The following DDAH1 variants were observed in gnomAD, a reference collection of about 807,000 sequenced individuals.
DDAH1 encodes the protein N(G),N(G)-dimethylarginine dimethylaminohydrolase 1.
In DDAH1, 19 loss-of-function variants were observed where a neutral mutation model predicts 28.8. That is an observed-to-expected ratio of 0.66 (90% CI 0.46 to 0.97). The LOEUF (loss-of-function observed/expected upper bound fraction) is 0.97, where lower values mean the gene tolerates loss of function less well. Among genes scored for constraint, DDAH1 ranks in the 50% least tolerant of loss-of-function variants. The pLI is 0.00. For synonymous variants in DDAH1, 153 were observed against 154.4 expected (o/e 0.99, Z 0.07); for missense variants, 326 against 375.9 (o/e 0.87, Z 1.10).
intron 1 of DDAH1, among the ~76,000 whole-genome samples, chr1:85,547,277 C>T (rs1658655413): frequency 6.6e-6 from 1 of 152,148 alleles, no homozygotes; most frequent in Admixed American, 6.5e-5. Context: ...CATGAGAATG[C>T]ACATTGTAGA....
chr1:85,394,289 A>G (rs749293663), intron 1 of DDAH1, among the ~76,000 whole-genome samples: 1 of 152,196 alleles, frequency 6.6e-6, no homozygotes, highest in Non-Finnish European at 1.5e-5. Flanking sequence ...AGGTGAGGTC[A>G]CGCCTGTGTT....
At chr1:85,436,225 T>C (rs1653937779) in intron 1 of DDAH1, among the ~76,000 whole-genome samples, 1 of 146,140 alleles carries the variant, frequency 6.8e-6, no homozygotes, top group Non-Finnish European at 1.5e-5. Context: ...ATTCTTGTGA[T>C]AATTTAAAAA....
intron 1 of DDAH1, among the ~76,000 whole-genome samples, chr1:85,445,772 A>C (rs979072492): frequency 6.6e-6 from 1 of 152,026 alleles, no homozygotes; most frequent in African/African-American, 2.4e-5. Flanking sequence ...ATTCCCAGAT[A>C]ATTTTTTTTT....
exon 2 of DDAH1, chr1:85,496,221 G>A: frequency 3.0e-6 from 3 of 985,274 alleles, no homozygotes; most frequent in Non-Finnish European, 3.6e-6. Flanking sequence ...GTATTTTGAA[G>A]CATTTCCTAC....
chr1:85,450,062 C>A (rs1226263687), intron 1 of DDAH1, among the ~76,000 whole-genome samples: 1 of 152,180 alleles, frequency 6.6e-6, no homozygotes, highest in Non-Finnish European at 1.5e-5. Flanking sequence ...ATACTCAGGT[C>A]TTTTGCAAGT....
intron 1 of DDAH1, among the ~76,000 whole-genome samples, chr1:85,446,003 G>A (rs1654411418): frequency 6.6e-6 from 1 of 152,132 alleles, no homozygotes; most frequent in Non-Finnish European, 1.5e-5. Flanking sequence ...TTACAGTCCA[G>A]TAAGGACATC....
chr1:85,548,094 C>CT (rs1203262449), intron 1 of DDAH1, among the ~76,000 whole-genome samples: 1 of 152,016 alleles, frequency 6.6e-6, no homozygotes, highest in African/African-American at 2.4e-5. Flanking sequence ...TATGCAATAC[C>CT]TTTTTTCAAA....
chr1:85,537,040 T>G (rs1308641290), intron 1 of DDAH1, among the ~76,000 whole-genome samples: 1 of 149,780 alleles, frequency 6.7e-6, no homozygotes, highest in East Asian at 2.0e-4. Flanking sequence ...TGGAATACTA[T>G]TCAGTCACAA....
At chr1:85,468,263 G>A (rs574378533), upstream of DDAH1, among the ~76,000 whole-genome samples, 1 of 152,264 alleles carries the variant, frequency 6.6e-6, no homozygotes, top group Non-Finnish European at 1.5e-5. Flanking sequence ...AATATTCAGG[G>A]ATCCAGCCTT....
intron 2 of DDAH1, among the ~76,000 whole-genome samples, chr1:85,489,092 C>T (rs778228842): frequency 2.0e-5 from 3 of 152,166 alleles, no homozygotes; most frequent in Admixed American, 6.5e-5. Flanking sequence ...CCATTCTAAA[C>T]ATGTTTAGTG....
chr1:85,511,411 A>G (rs1657228264), intron 1 of DDAH1, among the ~76,000 whole-genome samples: 1 of 152,240 alleles, frequency 6.6e-6, no homozygotes. Flanking sequence ...AAGATCTAAA[A>G]TCGACATCAT....
chr1:85,536,040 C>G (rs1443784947), intron 1 of DDAH1, among the ~76,000 whole-genome samples: 3 of 151,914 alleles, frequency 2.0e-5, no homozygotes, highest in Non-Finnish European at 4.4e-5. Flanking sequence ...TTGGGCGGAT[C>G]ACCTGAGCTC....
At chr1:85,336,655 C>T (rs553156496) in intron 4 of DDAH1, among the ~76,000 whole-genome samples, 29 of 151,296 alleles carry the variant, frequency 1.9e-4, no homozygotes, top group African/African-American at 6.8e-4. Flanking sequence ...AAACACAAAA[C>T]TAGTAGAAGG....
At chr1:85,354,776 G>T (rs979759862) in intron 2 of DDAH1, among the ~76,000 whole-genome samples, 1 of 151,880 alleles carries the variant, frequency 6.6e-6, no homozygotes, top group Non-Finnish European at 1.5e-5. Flanking sequence ...AAAATAAGAA[G>T]GAGTCTGCTA....
chr1:85,480,045 A>G (rs566949145), intron 2 of DDAH1, among the ~76,000 whole-genome samples: 2 of 152,236 alleles, frequency 1.3e-5, no homozygotes, highest in Non-Finnish European at 2.9e-5. Flanking sequence ...GAAACAGAAC[A>G]AGTGACAAAA....
chr1:85,550,859 G>A (rs1329446936), intron 1 of DDAH1, among the ~76,000 whole-genome samples: 1 of 152,214 alleles, frequency 6.6e-6, no homozygotes, highest in East Asian at 1.9e-4. Context: ...TTTGAAAGCA[G>A]CAACAACTTG....
intron 1 of DDAH1, among the ~76,000 whole-genome samples, chr1:85,373,872 A>C (rs1650518655): frequency 6.6e-6 from 1 of 152,152 alleles, no homozygotes; most frequent in East Asian, 1.9e-4. Context: ...ATACCTCTTA[A>C]GACTTAAAGG....
intron 2 of DDAH1, among the ~76,000 whole-genome samples, chr1:85,474,991 G>A (rs530046971): frequency 2.0e-5 from 3 of 152,158 alleles, no homozygotes; most frequent in African/African-American, 7.2e-5. Context: ...TGAAAAATGA[G>A]GGTAGTAATA....
intron 1 of DDAH1, among the ~76,000 whole-genome samples, chr1:85,419,304 C>T (rs1458591941): frequency 2.0e-5 from 3 of 151,726 alleles, no homozygotes; most frequent in South Asian, 2.1e-4. Flanking sequence ...TTTGGGAGGC[C>T]GAGGTGGGCA....
Sources: gnomAD v4.1 joint callset for allele counts (sites outside exome capture counted in the v4.1 genomes callset) on GRCh38, gnomAD v4.1.1 for gene constraint, MANE v1.5 for transcripts, NCBI Gene and HGNC (gene_info 2026-07-23, HGNC 2026-07-21) for gene names.